TIE1: variants seen among roughly 807,000 people sequenced by gnomAD.
TIE1 encodes tyrosine kinase with immunoglobulin like and EGF like domains 1, also known as tyrosine-protein kinase receptor Tie-1.
A neutral mutation model predicts 130.5 loss-of-function variants in TIE1; 89 were observed. The observed-to-expected ratio is 0.68, with a 90% CI of 0.57 to 0.81. The LOEUF is 0.81. Ranked by LOEUF, TIE1 falls within the 40% of genes least tolerant of loss-of-function variation. The pLI, the probability that TIE1 is intolerant of heterozygous loss-of-function variation, is 0.00. For missense variants in TIE1, 1,392 were observed against 1,559.8 expected (o/e 0.89, Z 1.81); for synonymous variants, 568 against 629.4 (o/e 0.90, Z 1.46).
Position 43,313,711 on chromosome 1 carries a change from C to A in TIE1, c.2219-67C>A. On this transcript the variant is annotated intron_variant, in intron 13 of 22. Transcript: ENST00000372476. This position sits in a 1 kb window ranked among gnomAD's most constrained non-coding sequence, Gnocchi z 6.2. ...ATCTTTCACCTCTCCCTCTGTGTAA[C>A]CCCATGGTGGCCTCTGGGTTCCCTG... is the stretch of plus-strand genomic sequence containing the variant. 6.7e-7 allele frequency: 1 copy of A among 1,497,468 alleles called. No individual in the cohort carries two copies. Among genetic ancestry groups the A allele is most frequent in the African/African-American group, 1.4e-5 (1 of 72,464 alleles). 92.8% of individuals were successfully genotyped at this position (1,497,468 alleles called of 1,614,324 possible). A position where few individuals can be genotyped will look rare whatever the true frequency, so the allele number is the denominator to read the frequency against.
intron 1 of TIE1, chr1:43,302,609 T>C (rs967931818): frequency 6.6e-6 from 1 of 152,084 alleles, no homozygotes; most frequent in Non-Finnish European, 1.5e-5. Flanking sequence ...CTCAGAGGCA[T>C]GGAGGTGCAT....
rs932387434 is a variant in TIE1 at position 43,311,712 on chromosome 1, C to A, written c.1375C>A (p.Gln459Lys). The A allele has an allele frequency of 4.3e-6, 7 of 1,614,022 alleles. No individual in the cohort carries two copies. The highest frequency in any genetic ancestry group is 5.9e-6 in the Non-Finnish European group (7 of 1,179,996). The change falls in exon 10 of 23, where the codon CAG becomes AAG. Residue 459 changes from glutamine (Q) to lysine (K), a missense_variant. By Grantham distance (53) the Gln-to-Lys change is moderately conservative. Coordinates refer to ENST00000372476, the MANE Select transcript of TIE1 (RefSeq NM_005424.5). Reference sequence around the variant, plus strand: ...GGCTGCACCTCGGCTCCTGACCAAGCAGAGCCGCCAGCTTGTGGTCTCCCC... The same window carrying A: ...GGCTGCACCTCGGCTCCTGACCAAGAAGAGCCGCCAGCTTGTGGTCTCCCC... Reference protein sequence around the residue: ...PLAAPRLLTKQSRQLVVSPLV... With the variant: ...PLAAPRLLTKKSRQLVVSPLV...
chr1:43,307,240 C>A lies in TIE1; in HGVS notation c.739C>A (p.Pro247Thr). ...CHDHDGECVC[P>T]PGFTGTRCEQ... ...CGACCATGACGGCGAATGTGTATGCCCCCCTGGCTTCACTGGCACCCGCTG... is the reference window on the plus strand; with the variant it reads ...CGACCATGACGGCGAATGTGTATGCACCCCTGGCTTCACTGGCACCCGCTG... The change falls in exon 5 of 23, where the codon CCC (proline) becomes ACC (threonine). Residue 247 changes from proline to threonine, a missense_variant. Coordinates refer to ENST00000372476, the MANE Select transcript of TIE1 (RefSeq NM_005424.5). This position sits in a 1 kb window ranked among gnomAD's most constrained non-coding sequence, Gnocchi z 5.4. 6.2e-7 allele frequency: 1 copy of A among 1,614,110 alleles called. No individual in the cohort carries two copies. The highest frequency in any genetic ancestry group is 8.5e-7 in the Non-Finnish European group (1 of 1,179,990).
intron 7 of TIE1, chr1:43,308,762 A>T (rs527993681): frequency 3.1e-6 from 2 of 646,096 alleles, no homozygotes; most frequent in East Asian, 3.0e-5. Flanking sequence ...GCTGGCAGGT[A>T]TTAGACGGTA....
chr1:43,320,857 AAAATAAAT>A (rs144637658), intron 19 of TIE1: 51 of 141,310 alleles, frequency 3.6e-4, no homozygotes, highest in Middle Eastern at 3.5e-3. Flanking sequence ...TCTGTCTCAA[AAAATAAAT>A]AAATAAATAA....
chr1:43,306,639 T>C lies in TIE1; in HGVS notation c.485-201T>C, dbSNP rs1436208275. Among the ~76,000 whole-genome samples, 1 of 151,870 alleles carries C rather than the reference T, an allele frequency of 6.6e-6. No individual in the cohort carries two copies. The highest frequency in any genetic ancestry group is 1.5e-5 in the Non-Finnish European group (1 of 67,924). On this transcript the variant is annotated intron_variant, in intron 3 of 22. Coordinates refer to ENST00000372476, the MANE Select transcript of TIE1 (RefSeq NM_005424.5). This position sits in a 1 kb window ranked among gnomAD's most constrained non-coding sequence, Gnocchi z 4.9. ...AGGAGATGGACTGAGCAGGACTTGGTGATTTACTGGGTGGCTGGTGGAGCA... is the reference window on the plus strand; with the variant it reads ...AGGAGATGGACTGAGCAGGACTTGGCGATTTACTGGGTGGCTGGTGGAGCA...
chr1:43,313,494 C>A lies in TIE1; in HGVS notation c.2218+69C>A. The A allele has an allele frequency of 1.3e-6, 2 of 1,569,332 alleles. No individual in the cohort carries two copies. Among genetic ancestry groups the A allele is most frequent in the South Asian group, 1.1e-5 (1 of 87,014 alleles). On this transcript the variant is annotated intron_variant, in intron 13 of 22. Transcript: ENST00000372476. The surrounding 1 kb of genome is among the most constrained non-coding windows in gnomAD (Gnocchi z 6.2). ...GAGAGCTCAGCACGCTCTCCTTCCA[C>A]ATCACCCCCTACTGTGGAGCTAGGG... is the stretch of plus-strand genomic sequence containing the variant.
chr1:43,317,966 C>A lies in TIE1; in HGVS notation c.2816C>A (p.Pro939Gln). ...LRKSRVLETD[P>Q]AFAREHGTAS... ...AAAAGCCGGGTCCTAGAGACTGACC[C>A]AGCTTTTGCTCGAGAGCATGGGACA... is the stretch of plus-strand genomic sequence containing the variant. Residue 939 changes from proline (P) to glutamine (Q), a missense_variant, in exon 17 of 23, where the codon CCA (proline) becomes CAA (glutamine). By Grantham distance (76) the Pro-to-Gln change is moderately conservative. Around this residue, in one of 6 missense-constraint regions of TIE1, gnomAD observed 286 missense variants for 354.4 expected, o/e 0.81. Coordinates refer to ENST00000372476, the MANE Select transcript of TIE1 (RefSeq NM_005424.5). The surrounding 1 kb of genome is among the most constrained non-coding windows in gnomAD (Gnocchi z 5.1). 6.2e-7 allele frequency: 1 copy of A among 1,613,392 alleles called. No homozygotes were observed. The highest frequency in any genetic ancestry group is 1.1e-5 in the South Asian group (1 of 90,968).
At position 43,319,395 on chromosome 1, in the gene TIE1, C is replaced by A. The variant is rs758661078; in HGVS notation, c.3036+47C>A. On this transcript the variant is annotated intron_variant, in intron 18 of 22. Transcript: ENST00000372476. This position sits in a 1 kb window ranked among gnomAD's most constrained non-coding sequence, Gnocchi z 4.7. ...CCCTTAGGGCTTGTGCCTGGCCCTG[C>A]CCCACAGGAGCCTCAAACAGGCCCT... 23 of 1,610,550 alleles carry A rather than the reference C, an allele frequency of 1.4e-5. No homozygotes were observed. The Middle Eastern group carries it at 3.1e-3, about 220-fold the overall frequency.
intron 9 of TIE1, among the ~76,000 whole-genome samples, chr1:43,311,418 A>AC (rs1240988648): frequency 6.6e-6 from 1 of 151,394 alleles, no homozygotes; most frequent in Non-Finnish European, 1.5e-5. Flanking sequence ...GGAAGAGTGC[A>AC]CCCCCAAACC....
chr1:43,313,005 G>A lies in TIE1; in HGVS notation c.1928-130G>A, dbSNP rs1376784800. On this transcript the variant is annotated intron_variant, in intron 12 of 22. Transcript: ENST00000372476. The surrounding 1 kb of genome is among the most constrained non-coding windows in gnomAD (Gnocchi z 6.2). ...GAGGAATTCAGTCTGGTGGGGAGGA[G>A]GAAGTTGGCAGGGTGGCCCCTGTGC... The A allele has an allele frequency of 8.4e-6, 9 of 1,072,574 alleles. No homozygotes were observed. The highest frequency in any genetic ancestry group is 1.1e-5 in the Non-Finnish European group (8 of 745,728). 66.4% of individuals were successfully genotyped at this position (1,072,574 alleles called of 1,614,324 possible).
rs766591281 is a variant in TIE1 at position 43,311,725 on chromosome 1, T to C, written c.1388T>C (p.Leu463Pro). 1 of 1,614,076 alleles carries C rather than the reference T, an allele frequency of 6.2e-7. No individual in the cohort carries two copies. Among genetic ancestry groups the C allele is most frequent in the Non-Finnish European group, 8.5e-7 (1 of 1,180,004 alleles). Residue 463 changes from leucine (L) to proline (P), a missense_variant, in exon 10 of 23, where the codon CTT becomes CCT. Transcript: ENST00000372476. ...CTCCTGACCAAGCAGAGCCGCCAGC[T>C]TGTGGTCTCCCCGCTGGTCTCGTTC... ...PRLLTKQSRQ[L>P]VVSPLVSFSG...
intron 22 of TIE1, 101 bp downstream of exon 22, chr1:43,321,816 C>A: frequency 1.8e-6 from 2 of 1,119,398 alleles, no homozygotes; most frequent in Non-Finnish European, 1.3e-6. Flanking sequence ...ACTGCCTGCC[C>A]AACCTCCCTC....
intron 19 of TIE1, chr1:43,320,358 T>A (rs928345623): frequency 6.6e-6 from 1 of 152,228 alleles, no homozygotes; most frequent in Non-Finnish European, 1.5e-5. Flanking sequence ...AGGGTTGGTG[T>A]GAGGGTTAAA....
At chr1:43,320,352 T>G (rs1646901672) in intron 19 of TIE1, 1 of 152,170 alleles carries the variant, frequency 6.6e-6, no homozygotes, top group African/African-American at 2.4e-5. Flanking sequence ...TATCATAGGG[T>G]TGGTGTGAGG....
At chr1:43,308,947 C>A (rs751418617) in intron 7 of TIE1, 39 bp from the exon 8 acceptor site, 3 of 1,613,846 alleles carry the variant, frequency 1.9e-6, no homozygotes, top group Non-Finnish European at 2.5e-6. Context: ...ACGTGTCTGC[C>A]CCTGTGGGAG....
At position 43,317,805 on chromosome 1, in the gene TIE1, CTG is replaced by C; in HGVS notation, c.2732-75_2732-74del. The C allele has an allele frequency of 1.0e-5, 16 of 1,539,822 alleles. No individual in the cohort carries two copies. Among genetic ancestry groups the C allele is most frequent in the Non-Finnish European group, 1.4e-5 (16 of 1,120,108 alleles). On this transcript the variant is annotated intron_variant, in intron 16 of 22. Coordinates refer to ENST00000372476, the MANE Select transcript of TIE1 (RefSeq NM_005424.5). This position sits in a 1 kb window ranked among gnomAD's most constrained non-coding sequence, Gnocchi z 5.1. Reference sequence around the variant, plus strand: ...ACCCTTGATCCTCCTTCATCCCTGTCTGTTACCATCGGGTGCCTGCTCCCACC... The same window carrying C: ...ACCCTTGATCCTCCTTCATCCCTGTCTTACCATCGGGTGCCTGCTCCCACC...
Position 43,316,395 on chromosome 1 carries a change from G to A in TIE1, c.2410-804G>A, listed in dbSNP as rs78990792. 0.023 allele frequency among the ~76,000 whole-genome samples: 3,479 copies of A among 152,298 alleles called. 126 individuals carry two copies. Among genetic ancestry groups the A allele is most frequent in the African/African-American group, 0.08 (3,308 of 41,548 alleles). ...TCAAGCTGGACTTCAGTGCACTTAGGAAGCCCCACCAGAAGGTCTGTCTTA... is the reference window on the plus strand; with the variant it reads ...TCAAGCTGGACTTCAGTGCACTTAGAAAGCCCCACCAGAAGGTCTGTCTTA... On this transcript the variant is annotated intron_variant, in intron 14 of 22. Transcript: ENST00000372476. This position sits in a 1 kb window ranked among gnomAD's most constrained non-coding sequence, Gnocchi z 4.4.
rs839997 is a variant in TIE1, at chr1:43,322,501, T to C, written c.3346-150T>C. The C allele has an allele frequency of 0.64, 398,956 of 625,936 alleles. 128,783 individuals are homozygous for C. Among genetic ancestry groups the C allele is most frequent in the African/African-American group, 0.67 (36,819 of 54,966 alleles). 38.8% of individuals were successfully genotyped at this position (625,936 alleles called of 1,614,324 possible). A position where few individuals can be genotyped will look rare whatever the true frequency, so the allele number is the denominator to read the frequency against. On this transcript the variant is annotated intron_variant, in intron 22 of 22. Transcript: ENST00000372476. This position sits in a 1 kb window ranked among gnomAD's most constrained non-coding sequence, Gnocchi z 4.0. ...GCCTGATGCCTTCACTGCCCTGGGC[T>C]GGTAAAGGCCACTCTTGGCCATGGG...
Sources: allele counts gnomAD v4.1 joint callset (sites outside exome capture counted in the v4.1 genomes callset), GRCh38; gene constraint gnomAD v4.1.1; regional missense constraint gnomAD v4.1.1; non-coding constraint Gnocchi (gnomAD v3.1); transcripts MANE v1.5; gene names NCBI Gene and HGNC (gene_info 2026-07-23, HGNC 2026-07-21).